UBQLN1: variants seen among roughly 807,000 people sequenced by gnomAD.
UBQLN1 encodes the protein ubiquilin-1.
In UBQLN1, 13 loss-of-function variants were observed where a neutral mutation model predicts 65.4. The ratio of observed to expected loss-of-function variants is 0.20; its 90% CI spans 0.13 to 0.32. The LOEUF is 0.32. Ranked by LOEUF, UBQLN1 falls within the 10% of genes least tolerant of loss-of-function variation. The probability of loss-of-function intolerance (pLI) is 1.00; values close to 1 mark genes in which losing one functional copy is unlikely to be tolerated. For synonymous variants in UBQLN1, 267 were observed against 247.8 expected, an observed-to-expected ratio of 1.08 and a Z score of -0.73; for missense variants, 561 against 724.0, an observed-to-expected ratio of 0.77 and a Z score of 2.58.
intron 6 of UBQLN1, among the ~76,000 whole-genome samples, chr9:83,673,559 A>C (rs1432099188): frequency 5.6e-5 from 5 of 89,276 alleles, no homozygotes; most frequent in African/African-American, 1.1e-4. Context: ...AAAAAAAAAA[A>C]AAAAAAAACA....
intron 1 of UBQLN1, among the ~76,000 whole-genome samples, chr9:83,704,709 C>G (rs71502718): frequency 3.3e-5 from 5 of 151,150 alleles, no homozygotes; most frequent in Non-Finnish European, 7.4e-5. Flanking sequence ...CGCCTGTAGT[C>G]TCAGCTACTA....
In UBQLN1 at chr9:83,660,454, C is replaced by T. The variant is rs959142244; in HGVS notation, c.*1333G>A. On this transcript the variant is annotated 3_prime_UTR_variant, in exon 11 of 11. Coordinates refer to ENST00000376395, the MANE Select transcript of UBQLN1 (RefSeq NM_013438.5). Reference sequence around the variant, plus strand: ...GTCCTAAAGGAATGTACCACCCCAACAGTTTGGGAGTTAGGCAAACAGAAT... The same window carrying T: ...GTCCTAAAGGAATGTACCACCCCAATAGTTTGGGAGTTAGGCAAACAGAAT... 6.6e-6 allele frequency: 1 copy of T among 152,594 alleles called. No individual in the cohort carries two copies. The highest frequency in any genetic ancestry group is 6.5e-5 in the Admixed American group (1 of 15,282). 9.5% of individuals were successfully genotyped at this position (152,594 alleles called of 1,614,324 possible).
At chr9:83,684,431 G>A (rs925795837) in intron 2 of UBQLN1, among the ~76,000 whole-genome samples, 1 of 151,956 alleles carries the variant, frequency 6.6e-6, no homozygotes, top group African/African-American at 2.4e-5. Flanking sequence ...CTGACCTCAG[G>A]TGATCTGCCC....
intron 6 of UBQLN1, among the ~76,000 whole-genome samples, chr9:83,672,240 T>C (rs1049411445): frequency 1.3e-5 from 2 of 152,238 alleles, no homozygotes; most frequent in Non-Finnish European, 2.9e-5. Context: ...TGTTTTGCTT[T>C]CTTGTCATTC....
rs370104999 is a variant in UBQLN1, at chr9:83,698,640, C to T, written c.180+8860G>A. Among the ~76,000 whole-genome samples, 413 of 152,170 alleles carry T rather than the reference C, an allele frequency of 2.7e-3. 2 individuals are homozygous for T. Among genetic ancestry groups the T allele is most frequent in the African/African-American group, 9.3e-3 (386 of 41,518 alleles). On this transcript the variant is annotated intron_variant, in intron 1 of 10. Coordinates refer to ENST00000376395, the MANE Select transcript of UBQLN1 (RefSeq NM_013438.5). ...ATACACAGTAAATTCTGGCTGGGTGCGGTGGCTCACACTTGTATAATCCTA... is the reference window on the plus strand; with the variant it reads ...ATACACAGTAAATTCTGGCTGGGTGTGGTGGCTCACACTTGTATAATCCTA...
rs372359355 is a variant in UBQLN1 at position 83,670,912 on chromosome 9, G to A, written c.1106-1585C>T. 1.1e-4 allele frequency among the ~76,000 whole-genome samples: 17 copies of A among 152,284 alleles called. No individual in the cohort carries two copies. The South Asian group carries it at 3.3e-3, about 30-fold the overall frequency. On this transcript the variant is annotated intron_variant, in intron 6 of 10. Coordinates refer to ENST00000376395, the MANE Select transcript of UBQLN1 (RefSeq NM_013438.5). ...AAAAAGCAACTCCTCATCTGTACAA[G>A]TTTTTTCATGGCATTGTAGCAACGC...
At position 83,669,588 on chromosome 9, in the gene UBQLN1, T is replaced by C. The variant is rs1564161019; in HGVS notation, c.1106-261A>G. On this transcript the variant is annotated intron_variant, in intron 6 of 10. Transcript: ENST00000376395. ...TCTTGTCTAATGAAGAGCTAGCTTC[T>C]GAAGTCAACTTAAGGCAAAAATTAC... Among the ~76,000 whole-genome samples, 11 of 152,340 alleles carry C rather than the reference T, an allele frequency of 7.2e-5. No individual in the cohort carries two copies. The South Asian group carries it at 2.3e-3, about 32-fold the overall frequency.
intron 1 of UBQLN1, among the ~76,000 whole-genome samples, chr9:83,698,384 G>A (rs529601906): frequency 1.3e-5 from 2 of 152,160 alleles, no homozygotes; most frequent in Non-Finnish European, 2.9e-5. Context: ...TCAAACTGAG[G>A]TATGCTTAAG....
chr9:83,673,545 T>TAAAAAAAAAAAAAAAAAAAA (rs1564162390), intron 6 of UBQLN1, among the ~76,000 whole-genome samples: 1 of 67,992 alleles, frequency 1.5e-5, no homozygotes, highest in African/African-American at 7.3e-5. Flanking sequence ...ACTCGGTCTT[T>TAAAAAAAAAAAAAAAAAAAA]TAAAAAAAAA....
chr9:83,679,839 T>C lies in UBQLN1; in HGVS notation c.647A>G (p.Gln216Arg). ...RQLIMANPQM[Q>R]QLIQRNPEIS... ...TTCTGGATTTCTCTGTATCAACTGCTGCATTTGTGGATTGGCCATAATTAA... is the reference window on the plus strand; with the variant it reads ...TTCTGGATTTCTCTGTATCAACTGCCGCATTTGTGGATTGGCCATAATTAA... Residue 216 changes from glutamine (Q) to arginine (R), a missense_variant, in exon 4 of 11, where the codon CAG (glutamine) becomes CGG (arginine). Physicochemically the swap from Gln to Arg is conservative, Grantham distance 43 (BLOSUM62 1). Coordinates refer to ENST00000376395, the MANE Select transcript of UBQLN1 (RefSeq NM_013438.5). 6.2e-7 allele frequency: 1 copy of C among 1,614,200 alleles called. No individual in the cohort carries two copies.
chr9:83,703,093 T>C (rs984396712), intron 1 of UBQLN1, among the ~76,000 whole-genome samples: 2 of 152,072 alleles, frequency 1.3e-5, no homozygotes, highest in Non-Finnish European at 2.9e-5. Flanking sequence ...TTCTTCTAGA[T>C]GTTATCTTGC....
chr9:83,660,922 T>C lies in UBQLN1; in HGVS notation c.*865A>G, dbSNP rs1771449585. On this transcript the variant is annotated 3_prime_UTR_variant, in exon 11 of 11. Transcript: ENST00000376395. ...TTACAAATTTTAATGCCTGTTAAAC[T>C]ACCTATGGGAGAAGCTGAGAAGTCC... 1 of 152,542 alleles carries C rather than the reference T, an allele frequency of 6.6e-6. No individual in the cohort carries two copies. Among genetic ancestry groups the C allele is most frequent in the Non-Finnish European group, 1.5e-5 (1 of 68,026 alleles). The allele number at this position is 152,542 out of a possible 1,614,324, so 9.4% of individuals were successfully genotyped here.
chr9:83,672,215 C>T (rs1831745571), intron 6 of UBQLN1, among the ~76,000 whole-genome samples: 1 of 152,228 alleles, frequency 6.6e-6, no homozygotes, highest in Non-Finnish European at 1.5e-5. Flanking sequence ...ATTTTCTCCA[C>T]ATCAGCAATG....
intron 1 of UBQLN1, among the ~76,000 whole-genome samples, chr9:83,694,239 T>C (rs1359476317): frequency 6.6e-6 from 1 of 152,226 alleles, no homozygotes; most frequent in Admixed American, 6.5e-5. Flanking sequence ...GAATCACATA[T>C]TAACAGCATT....
chr9:83,668,034 G>A (rs1831671074), intron 7 of UBQLN1: 1 of 985,352 alleles, frequency 1.0e-6, no homozygotes, highest in Non-Finnish European at 1.2e-6. Context: ...TGCACATTCA[G>A]TATTAGCCAA....
Position 83,680,051 on chromosome 9 carries a change from G to A in UBQLN1, c.449-14C>T. On this transcript the variant is annotated splice_polypyrimidine_tract_variant and intron_variant, in intron 3 of 10. Coordinates refer to ENST00000376395, the MANE Select transcript of UBQLN1 (RefSeq NM_013438.5). ...CCCCAAGGCCACCTAAGAGGATAAA[G>A]GGCAAAAACATACAAATCAAAGTCA... 1 of 1,581,436 alleles carries A rather than the reference G, an allele frequency of 6.3e-7. No individual in the cohort carries two copies.
At chr9:83,693,901 C>T (rs1163803290) in intron 1 of UBQLN1, among the ~76,000 whole-genome samples, 1 of 152,188 alleles carries the variant, frequency 6.6e-6, no homozygotes, top group Non-Finnish European at 1.5e-5. Flanking sequence ...AATAGAGATA[C>T]TTATTCTGCA....
intron 9 of UBQLN1, 132 bp downstream of exon 9, chr9:83,664,898 C>A (rs1275890451): frequency 1.6e-6 from 1 of 634,934 alleles, no homozygotes. Context: ...ATAGCCTAGG[C>A]GAAGGGCGAG....
At position 83,665,739 on chromosome 9, in the gene UBQLN1, T is replaced by C. The variant is rs1057009524; in HGVS notation, c.1333-594A>G. ...ACAGGTCTGAGAGTCATTTGCATAA[T>C]ACATGAGGCCCTAGAACTACCAGTT... On this transcript the variant is annotated intron_variant, in intron 8 of 10. Transcript: ENST00000376395. 8.5e-5 allele frequency among the ~76,000 whole-genome samples: 13 copies of C among 152,314 alleles called. 1 individual carries two copies. The East Asian group carries it at 2.3e-3, about 27-fold the overall frequency.
Sources: allele counts gnomAD v4.1 joint callset (sites outside exome capture counted in the v4.1 genomes callset), GRCh38; gene constraint gnomAD v4.1.1; transcripts MANE v1.5; gene names NCBI Gene and HGNC (gene_info 2026-07-23, HGNC 2026-07-21).